VPS35L: variants seen among roughly 807,000 people sequenced by gnomAD.
The protein encoded by VPS35L is VPS35 endosomal protein sorting factor like, also known as VPS35 endosomal protein-sorting factor-like.
In VPS35L, 83 loss-of-function variants were observed where a neutral mutation model predicts 133.0. The observed-to-expected ratio is 0.62, with a 90% CI of 0.52 to 0.75. The LOEUF (loss-of-function observed/expected upper bound fraction) is 0.75, where lower values mean the gene tolerates loss of function less well. VPS35L is among the 30% of genes least tolerant of loss of function. The pLI, the probability that VPS35L is intolerant of heterozygous loss-of-function variation, is 0.00. For missense variants in VPS35L, 1,083 were observed against 1,206.8 expected, an observed-to-expected ratio of 0.90 and a Z score of 1.52; for synonymous variants, 423 against 449.9, an observed-to-expected ratio of 0.94 and a Z score of 0.76.
intron 26 of VPS35L, among the ~76,000 whole-genome samples, chr16:19,668,695 G>A (rs1974776042): frequency 6.6e-6 from 1 of 151,882 alleles, no homozygotes; most frequent in South Asian, 2.1e-4. Context: ...ACTGACCTGG[G>A]TTTGAGCTGC....
intron 7 of VPS35L, among the ~76,000 whole-genome samples, chr16:19,591,073 A>G (rs557633078): frequency 2.6e-5 from 4 of 152,232 alleles, no homozygotes; most frequent in Non-Finnish European, 4.4e-5. Context: ...TGTTTTCAGC[A>G]TTGAAGGTCA....
intron 15 of VPS35L, among the ~76,000 whole-genome samples, chr16:19,627,213 G>C (rs1017391464): frequency 6.6e-6 from 1 of 151,640 alleles, no homozygotes; most frequent in African/African-American, 2.4e-5. Flanking sequence ...AACCCGGGAG[G>C]TGGAGGTTGC....
intron 8 of VPS35L, among the ~76,000 whole-genome samples, chr16:19,600,915 C>T (rs569156672): frequency 6.6e-6 from 1 of 152,158 alleles, no homozygotes; most frequent in East Asian, 1.9e-4. Flanking sequence ...TGAGTTCTCC[C>T]AAGTTGTAGA....
chr16:19,608,167 T>C lies in VPS35L; in HGVS notation c.785-11T>C, dbSNP rs772672177. 7 of 1,601,832 alleles carry C rather than the reference T, an allele frequency of 4.4e-6. No homozygotes were observed. Among genetic ancestry groups the C allele is most frequent in the Admixed American group, 3.3e-5 (2 of 59,970 alleles). On this transcript the variant is annotated splice_polypyrimidine_tract_variant and intron_variant, in intron 9 of 30. Coordinates refer to ENST00000417362, the MANE Select transcript of VPS35L (RefSeq NM_020314.7). ...TAGGAGGGCTGATGGATCTTGTTTTTTGTATTACAGATCACTTTTCTCCAG... is the reference window on the plus strand; with the variant it reads ...TAGGAGGGCTGATGGATCTTGTTTTCTGTATTACAGATCACTTTTCTCCAG...
At chr16:19,604,546 C>T (rs1201845069) in intron 9 of VPS35L, among the ~76,000 whole-genome samples, 2 of 151,946 alleles carry the variant, frequency 1.3e-5, no homozygotes, top group Non-Finnish European at 2.9e-5. Context: ...CTAAAATCTT[C>T]ATCTGCTTGT....
At chr16:19,617,503 A>G (rs1157659157) in intron 14 of VPS35L, 1 of 152,286 alleles carries the variant, frequency 6.6e-6, no homozygotes, top group East Asian at 1.9e-4. Context: ...AAGTCTGTAG[A>G]GCAGGTATTT....
chr16:19,664,007 G>A (rs762950100), intron 26 of VPS35L, among the ~76,000 whole-genome samples: 5 of 151,986 alleles, frequency 3.3e-5, no homozygotes, highest in Non-Finnish European at 4.4e-5. Context: ...CCCGAATACC[G>A]TGTTCTTTCA....
At chr16:19,669,399 A>C (rs752472733) in intron 27 of VPS35L, 100 bp downstream of exon 27, 1 of 1,362,676 alleles carries the variant, frequency 7.3e-7, no homozygotes, top group Admixed American at 2.3e-5. Context: ...CATTCTATCT[A>C]GTATCTTTGT....
chr16:19,564,987 T>C (rs527257312), intron 2 of VPS35L, 37 bp downstream of exon 2: 2 of 1,454,164 alleles, frequency 1.4e-6, no homozygotes, highest in Non-Finnish European at 1.9e-6. Flanking sequence ...ATGATATTCT[T>C]ATCCCTTGAA....
intron 8 of VPS35L, among the ~76,000 whole-genome samples, chr16:19,593,398 C>T (rs1972104075): frequency 1.3e-5 from 2 of 152,198 alleles, no homozygotes; most frequent in African/African-American, 4.8e-5. Context: ...TCGAAAGATA[C>T]AATGTGTCAG....
chr16:19,555,735 C>A lies in VPS35L; in HGVS notation c.6C>A (p.Ala2=), dbSNP rs141815613. M[A]VFPWHSRNRN... ...GCGGTCATGTGACTGGGAAGATGGC[C>A]GTCTTTCCTTGGTAAGGAAGCAGCG... The change falls in exon 1 of 31, where the codon GCC becomes GCA. Residue 2 remains alanine (A), a synonymous_variant. Coordinates refer to ENST00000417362, the MANE Select transcript of VPS35L (RefSeq NM_020314.7). The A allele has an allele frequency of 1.3e-6, 2 of 1,587,304 alleles. No individual in the cohort carries two copies. The highest frequency in any genetic ancestry group is 8.6e-7 in the Non-Finnish European group (1 of 1,166,976).
chr16:19,664,201 G>C (rs752068400), intron 26 of VPS35L, among the ~76,000 whole-genome samples: 5 of 152,116 alleles, frequency 3.3e-5, no homozygotes, highest in Non-Finnish European at 7.4e-5. Context: ...TCTTACAATA[G>C]AGCAGTCCAA....
rs188411184 is a variant in VPS35L, at chr16:19,602,516, C to T, written c.784+793C>T. Among the ~76,000 whole-genome samples, 616 of 152,126 alleles carry T rather than the reference C, an allele frequency of 4.0e-3. 5 individuals carry two copies. Among genetic ancestry groups the T allele is most frequent in the African/African-American group, 0.014 (586 of 41,512 alleles). On this transcript the variant is annotated intron_variant, in intron 9 of 30. Transcript: ENST00000417362. ...TCCTTTATTCCTCCCTCTCTCTCCT[C>T]CTCTCTCTTCCTCTCCCTCCTCCTC...
At chr16:19,689,343 T>G (rs1370597900) in intron 28 of VPS35L, among the ~76,000 whole-genome samples, 5 of 151,386 alleles carry the variant, frequency 3.3e-5, no homozygotes, top group Admixed American at 3.3e-4. Flanking sequence ...CCATCTCGGC[T>G]CACTGCAACT....
At chr16:19,631,829 CT>C (rs1388822493) in intron 18 of VPS35L, among the ~76,000 whole-genome samples, 1 of 152,220 alleles carries the variant, frequency 6.6e-6, no homozygotes, top group Non-Finnish European at 1.5e-5. Context: ...CTGCCTCAGC[CT>C]CCCGAGTGGC....
intron 26 of VPS35L, among the ~76,000 whole-genome samples, chr16:19,667,537 C>G (rs1310882652): frequency 6.6e-6 from 1 of 151,982 alleles, no homozygotes; most frequent in African/African-American, 2.4e-5. Context: ...AGTTTGGGAC[C>G]AGCTTGGGCA....
intron 8 of VPS35L, 95 bp downstream of exon 8, chr16:19,591,969 G>A: frequency 1.0e-6 from 1 of 1,001,302 alleles, no homozygotes; most frequent in Non-Finnish European, 1.6e-6. Flanking sequence ...TTCTGCTGTG[G>A]TTTAAGTTAT....
chr16:19,661,224 T>C (rs1263119090), intron 26 of VPS35L, among the ~76,000 whole-genome samples: 7 of 150,872 alleles, frequency 4.6e-5, no homozygotes, highest in Admixed American at 6.6e-5. Flanking sequence ...CTGTTTCTTC[T>C]TTTTTTTTGG....
In VPS35L at chr16:19,622,150, T is replaced by TC. The variant is rs1476753172; in HGVS notation, c.1225-4027_1225-4026insC. On this transcript the variant is annotated intron_variant, in intron 14 of 30. Transcript: ENST00000417362. ...GATCTCCATGTATATCTTTTTTTTT[T>TC]TTTTTTTTTTTTAAGACGGAGTCCT... Among the ~76,000 whole-genome samples, 152 of 132,376 alleles carry TC rather than the reference T, an allele frequency of 1.1e-3. 1 individual carries two copies. The highest frequency in any genetic ancestry group is 1.9e-3 in the Non-Finnish European group (125 of 66,468). The allele number at this position is 132,376 out of a possible 152,430, so 86.8% of individuals were successfully genotyped here.
Sources: gnomAD v4.1 joint callset for allele counts (sites outside exome capture counted in the v4.1 genomes callset) on GRCh38, gnomAD v4.1.1 for gene constraint, MANE v1.5 for transcripts, NCBI Gene and HGNC (gene_info 2026-07-23, HGNC 2026-07-21) for gene names.